Variants in ZNF385B observed in about 807,000 individuals in gnomAD.
The protein encoded by ZNF385B is zinc finger protein 385B, also known as zinc finger protein 533.
ZNF385B carries 23 observed loss-of-function variants against 39.2 expected under a neutral mutation model. The ratio of observed to expected loss-of-function variants is 0.59; its 90% CI spans 0.42 to 0.83. The LOEUF (loss-of-function observed/expected upper bound fraction) is 0.83, where lower values mean the gene tolerates loss of function less well. ZNF385B is among the 40% of genes least tolerant of loss of function. The pLI, the probability that ZNF385B is intolerant of heterozygous loss-of-function variation, is 0.00. For synonymous variants in ZNF385B, 205 were observed against 222.6 expected, an observed-to-expected ratio of 0.92 and a Z score of 0.70; for missense variants, 552 against 598.9, an observed-to-expected ratio of 0.92 and a Z score of 0.82.
intron 3 of ZNF385B, among the ~76,000 whole-genome samples, chr2:179,759,343 C>T (rs1236030329): frequency 3.9e-5 from 6 of 152,218 alleles, no homozygotes; most frequent in East Asian, 1.9e-4. Context: ...TAACATAAAC[C>T]AGAATGACAG....
chr2:179,801,490 C>G (rs1706030712), intron 1 of ZNF385B, among the ~76,000 whole-genome samples: 1 of 152,020 alleles, frequency 6.6e-6, no homozygotes, highest in African/African-American at 2.4e-5. Flanking sequence ...ACAAAGTTCC[C>G]AACTCCCTCC....
At chr2:179,791,305 TAC>T (rs928928957) in intron 1 of ZNF385B, among the ~76,000 whole-genome samples, 50 of 152,342 alleles carry the variant, frequency 3.3e-4, no homozygotes, top group African/African-American at 1.2e-3. Flanking sequence ...CTCTACCTAA[TAC>T]AGTCTTTTAG....
intron 3 of ZNF385B, among the ~76,000 whole-genome samples, chr2:179,641,491 T>A (rs140965695): frequency 1.0e-3 from 156 of 152,238 alleles, no homozygotes; most frequent in African/African-American, 3.5e-3. Flanking sequence ...CTTCAGCTTG[T>A]TAGTTCAAGG....
At chr2:179,850,744 G>A (rs999908637) in intron 1 of ZNF385B, among the ~76,000 whole-genome samples, 1 of 152,116 alleles carries the variant, frequency 6.6e-6, no homozygotes, top group Admixed American at 6.5e-5. Context: ...TTGAAATCAC[G>A]ATCCTAGTGC....
At chr2:179,530,318 A>G (rs551417013) in intron 4 of ZNF385B, among the ~76,000 whole-genome samples, 41 of 152,296 alleles carry the variant, frequency 2.7e-4, no homozygotes, top group African/African-American at 8.2e-4. Context: ...TATACGAGTA[A>G]CTGAAGAATA....
chr2:179,472,037 C>T (rs1404533023), intron 6 of ZNF385B, among the ~76,000 whole-genome samples: 1 of 152,042 alleles, frequency 6.6e-6, no homozygotes, highest in Non-Finnish European at 1.5e-5. Context: ...ATTTTTCTTG[C>T]TTTGTATTTA....
chr2:179,650,438 G>A (rs1045379733), intron 3 of ZNF385B, among the ~76,000 whole-genome samples: 1 of 152,192 alleles, frequency 6.6e-6, no homozygotes, highest in African/African-American at 2.4e-5. Context: ...AAATAGGTAT[G>A]TATGAGAGAA....
At chr2:179,494,019 G>A (rs899474637) in intron 5 of ZNF385B, among the ~76,000 whole-genome samples, 2 of 151,318 alleles carry the variant, frequency 1.3e-5, no homozygotes, top group African/African-American at 2.4e-5. Flanking sequence ...ATATATTAGT[G>A]TTAACAGATA....
At chr2:179,503,869 T>C (rs1481439227) in intron 5 of ZNF385B, among the ~76,000 whole-genome samples, 1 of 148,134 alleles carries the variant, frequency 6.8e-6, no homozygotes, top group Non-Finnish European at 1.5e-5. Flanking sequence ...TCTTTTTTTT[T>C]TTTTCATTCT....
intron 3 of ZNF385B, among the ~76,000 whole-genome samples, chr2:179,735,595 C>T (rs1224857643): frequency 1.4e-5 from 2 of 144,378 alleles, no homozygotes; most frequent in Non-Finnish European, 1.5e-5. Context: ...ATGTTTATTG[C>T]AGCATTATTC....
chr2:179,490,732 G>C (rs1332759294), intron 5 of ZNF385B, among the ~76,000 whole-genome samples: 2 of 152,024 alleles, frequency 1.3e-5, no homozygotes, highest in Non-Finnish European at 1.5e-5. Flanking sequence ...TCAATTACTG[G>C]AAGGCAGATT....
intron 1 of ZNF385B, among the ~76,000 whole-genome samples, chr2:179,787,933 A>G (rs1705101306): frequency 2.0e-5 from 3 of 152,216 alleles, no homozygotes; most frequent in Admixed American, 1.3e-4. Flanking sequence ...GAATGGCTCT[A>G]TAATTAATTC....
rs141485833 is a variant in ZNF385B at position 179,736,183 on chromosome 2, C to T, written c.298+33320G>A. 3.4e-3 allele frequency among the ~76,000 whole-genome samples: 510 copies of T among 152,194 alleles called. 7 individuals are homozygous for T. Among genetic ancestry groups the T allele is most frequent in the African/African-American group, 0.012 (493 of 41,538 alleles). On this transcript the variant is annotated intron_variant, in intron 3 of 9. Transcript: ENST00000410066. ...TTATAGGTTCTGATTAGGTGAAGGA[C>T]TATTTTTACTTACTACTCATCTATA...
At chr2:179,761,166 G>C (rs2106487606) in intron 3 of ZNF385B, among the ~76,000 whole-genome samples, 1 of 152,236 alleles carries the variant, frequency 6.6e-6, no homozygotes, top group East Asian at 1.9e-4. Context: ...ATATTGGGTA[G>C]AGAGATCCCT....
intron 1 of ZNF385B, among the ~76,000 whole-genome samples, chr2:179,817,818 G>A (rs1707161130): frequency 6.6e-6 from 1 of 152,084 alleles, no homozygotes; most frequent in Admixed American, 6.6e-5. Context: ...TTGGCCTGCA[G>A]GAGACAATGT....
intron 3 of ZNF385B, among the ~76,000 whole-genome samples, chr2:179,717,243 G>T (rs765593600): frequency 1.3e-5 from 2 of 151,978 alleles, no homozygotes; most frequent in Non-Finnish European, 2.9e-5. Flanking sequence ...TTCCATTTTT[G>T]GCTTCCATGA....
At chr2:179,623,226 CAA>C (rs1003511596) in intron 3 of ZNF385B, among the ~76,000 whole-genome samples, 21 of 151,326 alleles carry the variant, frequency 1.4e-4, no homozygotes, top group African/African-American at 5.1e-4. Flanking sequence ...ATCAAGAACT[CAA>C]GAGTAAATGA....
intron 3 of ZNF385B, among the ~76,000 whole-genome samples, chr2:179,561,733 A>T (rs922935166): frequency 2.6e-5 from 4 of 152,146 alleles, no homozygotes; most frequent in Non-Finnish European, 5.9e-5. Context: ...ATACATACAA[A>T]TTATACCTAC....
intron 1 of ZNF385B, among the ~76,000 whole-genome samples, chr2:179,802,351 T>C (rs1031010801): frequency 6.6e-6 from 1 of 152,134 alleles, no homozygotes; most frequent in Non-Finnish European, 1.5e-5. Context: ...AAGCCCCTTC[T>C]GTTAATGTCT....
Sources: allele counts gnomAD v4.1 joint callset (sites outside exome capture counted in the v4.1 genomes callset), GRCh38; gene constraint gnomAD v4.1.1; transcripts MANE v1.5; gene names NCBI Gene and HGNC (gene_info 2026-07-23, HGNC 2026-07-21).